LRRC37A2: variants seen among roughly 807,000 people sequenced by gnomAD.
LRRC37A2 encodes the protein leucine-rich repeat-containing protein 37A2.
A neutral mutation model predicts 68.8 loss-of-function variants in LRRC37A2; 9 were observed. The ratio of observed to expected loss-of-function variants is 0.13; its 90% CI spans 0.08 to 0.23. The LOEUF is 0.23. Among genes scored for constraint, LRRC37A2 ranks in the 10% least tolerant of loss-of-function variants. The pLI, the probability that LRRC37A2 is intolerant of heterozygous loss-of-function variation, is 1.00. For missense variants in LRRC37A2, 168 were observed against 950.4 expected (o/e 0.18, Z 10.82); for synonymous variants, 63 against 367.6 (o/e 0.17, Z 9.48).
chr17:46,415,738 GT>G, the LRRC37A2 span, among the ~76,000 whole-genome samples: 2 of 40,092 alleles, frequency 5.0e-5, no homozygotes, highest in African/African-American at 8.1e-5. Flanking sequence ...TTGTTTTTTT[GT>G]TTTTTTTTTG....
the LRRC37A2 span, among the ~76,000 whole-genome samples, chr17:47,034,532 A>G: frequency 6.6e-6 from 1 of 152,118 alleles, no homozygotes; most frequent in Non-Finnish European, 1.5e-5. Context: ...GAGGAAAGAT[A>G]ACAAACTTTG....
the LRRC37A2 span, among the ~76,000 whole-genome samples, chr17:46,750,441 C>G: frequency 1.3e-5 from 2 of 152,174 alleles, no homozygotes; most frequent in African/African-American, 4.8e-5. Flanking sequence ...TTGAGCGTCT[C>G]TAATCTGGAA....
At chr17:46,904,550 C>T in the LRRC37A2 span, among the ~76,000 whole-genome samples, 3 of 149,150 alleles carry the variant, frequency 2.0e-5, no homozygotes, top group Non-Finnish European at 3.0e-5. Flanking sequence ...GATGGATGAA[C>T]GGGTAGCTGG....
At chr17:47,019,575 A>C in the LRRC37A2 span, 1 of 1,472,088 alleles carries the variant, frequency 6.8e-7, no homozygotes, top group South Asian at 1.1e-5. Context: ...AGGTCCACCT[A>C]CTGTGCTAGA....
the LRRC37A2 span, among the ~76,000 whole-genome samples, chr17:46,868,298 AC>A: frequency 6.6e-6 from 1 of 151,892 alleles, no homozygotes. Context: ...CTTCATTAAG[AC>A]CCCCATATTT....
At chr17:46,960,627 A>T in the LRRC37A2 span, among the ~76,000 whole-genome samples, 2 of 152,372 alleles carry the variant, frequency 1.3e-5, no homozygotes, top group African/African-American at 4.8e-5. Flanking sequence ...ACAGATAAAA[A>T]TTTAAATTTA....
chr17:46,808,452 A>G, the LRRC37A2 span, among the ~76,000 whole-genome samples: 2 of 152,232 alleles, frequency 1.3e-5, no homozygotes, highest in African/African-American at 4.8e-5. Flanking sequence ...GCAAATTTTT[A>G]CCCCAATAAC....
chr17:46,829,750 T>G, the LRRC37A2 span, among the ~76,000 whole-genome samples: 1 of 144,574 alleles, frequency 6.9e-6, no homozygotes, highest in South Asian at 2.2e-4. Context: ...CCAAATAGCC[T>G]CAGGTTGGGA....
At chr17:46,543,666 G>A (rs534271504) in intron 8 of LRRC37A2, among the ~76,000 whole-genome samples, 1 of 150,916 alleles carries the variant, frequency 6.6e-6, no homozygotes, top group Admixed American at 6.6e-5. Context: ...AAAATGTATA[G>A]ACATACACAC....
At chr17:46,892,904 T>G in the LRRC37A2 span, among the ~76,000 whole-genome samples, 1 of 152,296 alleles carries the variant, frequency 6.6e-6, no homozygotes, top group Admixed American at 6.5e-5. Context: ...GAGTGCTGGC[T>G]TATGCAGTCC....
the LRRC37A2 span, among the ~76,000 whole-genome samples, chr17:46,874,498 C>T: frequency 4.6e-5 from 7 of 152,160 alleles, no homozygotes; most frequent in African/African-American, 1.7e-4. Context: ...AAGGCCGTAG[C>T]CCCTGGCCTG....
At chr17:46,757,703 C>T in the LRRC37A2 span, among the ~76,000 whole-genome samples, 3 of 141,978 alleles carry the variant, frequency 2.1e-5, no homozygotes, top group Non-Finnish European at 3.0e-5. Flanking sequence ...TTTTATCTTA[C>T]TAAAAAAAAA....
the LRRC37A2 span, among the ~76,000 whole-genome samples, chr17:46,828,273 T>C: frequency 6.6e-6 from 1 of 152,022 alleles, no homozygotes; most frequent in Non-Finnish European, 1.5e-5. Flanking sequence ...TTTGGCTCAG[T>C]GCGACCTCCA....
At chr17:46,869,923 C>T in the LRRC37A2 span, among the ~76,000 whole-genome samples, 269 of 151,912 alleles carry the variant, frequency 1.8e-3, no homozygotes, top group Middle Eastern at 6.8e-3. Flanking sequence ...TGCTTGAACC[C>T]GGGAAGTGGA....
chr17:46,759,578 G>C, the LRRC37A2 span, among the ~76,000 whole-genome samples: 1 of 152,224 alleles, frequency 6.6e-6, no homozygotes, highest in East Asian at 1.9e-4. Context: ...AACAGTGGCA[G>C]TGTAGCAGCA....
At chr17:46,466,913 A>G in the LRRC37A2 span, among the ~76,000 whole-genome samples, 30 of 102,618 alleles carry the variant, frequency 2.9e-4, 6 homozygotes, top group African/African-American at 1.0e-3. Context: ...CCACACATCT[A>G]CAACTATCTG....
intron 2 of LRRC37A2, chr17:46,516,716 AG>A (rs2051412366): frequency 6.0e-6 from 1 of 165,364 alleles, no homozygotes; most frequent in Non-Finnish European, 1.3e-5. Flanking sequence ...CAAAACAGGA[AG>A]ATTATTTTAT....
At chr17:46,750,767 T>C in the LRRC37A2 span, among the ~76,000 whole-genome samples, 1 of 151,938 alleles carries the variant, frequency 6.6e-6, no homozygotes, top group Non-Finnish European at 1.5e-5. Flanking sequence ...TATAGAAAAA[T>C]TAACCATTCA....
At chr17:46,636,027 G>A in the LRRC37A2 span, among the ~76,000 whole-genome samples, 2 of 58,082 alleles carry the variant, frequency 3.4e-5, no homozygotes, top group Non-Finnish European at 7.1e-5. Flanking sequence ...GCATTTATAA[G>A]TATACTTTTT....
Sources: allele counts gnomAD v4.1 joint callset (sites outside exome capture counted in the v4.1 genomes callset), GRCh38; gene constraint gnomAD v4.1.1; transcripts MANE v1.5; gene names NCBI Gene and HGNC (gene_info 2026-07-23, HGNC 2026-07-21).